PARD3: variants seen among roughly 807,000 people sequenced by gnomAD.
The protein encoded by PARD3 is partitioning defective 3 homolog.
Under a neutral mutation model 155.4 loss-of-function variants are expected in PARD3, and 75 were observed. The observed-to-expected ratio is 0.48, with a 90% CI of 0.40 to 0.58. The LOEUF (loss-of-function observed/expected upper bound fraction) is 0.58. Among genes scored for constraint, PARD3 ranks in the 20% least tolerant of loss-of-function variants. PARD3 has a pLI of 0.00. For missense variants in PARD3, 1,642 were observed against 1,721.7 expected, an observed-to-expected ratio of 0.95 and a Z score of 0.82; for synonymous variants, 576 against 610.5, an observed-to-expected ratio of 0.94 and a Z score of 0.83.
At chr10:34,291,642 TA>T (rs1428087017) in intron 20 of PARD3, among the ~76,000 whole-genome samples, 1 of 152,210 alleles carries the variant, frequency 6.6e-6, no homozygotes, top group Non-Finnish European at 1.5e-5. Flanking sequence ...CTAGAATTCA[TA>T]CCCAAGACAC....
At chr10:34,619,346 G>A (rs540086665) in intron 2 of PARD3, among the ~76,000 whole-genome samples, 35 of 151,998 alleles carry the variant, frequency 2.3e-4, no homozygotes, top group Non-Finnish European at 4.4e-4. Context: ...CATCATGCCC[G>A]GCCCACAGTC....
At chr10:34,126,818 G>GAAAAAAA (rs550942430) in intron 23 of PARD3, among the ~76,000 whole-genome samples, 2 of 73,380 alleles carry the variant, frequency 2.7e-5, no homozygotes. Flanking sequence ...TCTTGAAAAT[G>GAAAAAAA]AAAAAAAAAA....
intron 10 of PARD3, 123 bp downstream of exon 10, chr10:34,377,844 G>T (rs964494012): frequency 5.1e-6 from 3 of 583,782 alleles, no homozygotes; most frequent in African/African-American, 1.9e-5. Context: ...ATTTTGTGAC[G>T]CATACTTCCG....
At chr10:34,371,756 A>G (rs1457356285) in intron 12 of PARD3, among the ~76,000 whole-genome samples, 1 of 151,942 alleles carries the variant, frequency 6.6e-6, no homozygotes, top group Non-Finnish European at 1.5e-5. Flanking sequence ...TTTTTGTGCT[A>G]TGTTGTTTGA....
intron 22 of PARD3, among the ~76,000 whole-genome samples, chr10:34,187,993 A>G (rs1032240269): frequency 2.0e-5 from 3 of 152,236 alleles, no homozygotes; most frequent in African/African-American, 4.8e-5. Context: ...GCAGATAATT[A>G]AAGTGCTTTA....
At chr10:34,457,267 G>A (rs2077387369) in intron 4 of PARD3, among the ~76,000 whole-genome samples, 1 of 152,198 alleles carries the variant, frequency 6.6e-6, no homozygotes, top group Non-Finnish European at 1.5e-5. Context: ...GGATTTCTCT[G>A]AAGCCACTGG....
chr10:34,280,358 G>A (rs932623143), intron 21 of PARD3, among the ~76,000 whole-genome samples: 3 of 152,194 alleles, frequency 2.0e-5, no homozygotes, highest in Non-Finnish European at 4.4e-5. Context: ...GATTAGCACA[G>A]ACCAGTATGT....
Position 34,335,669 on chromosome 10 carries a change from C to T in PARD3, c.2605+530G>A, listed in dbSNP as rs935947553. The stretch of plus-strand genomic sequence containing the variant: ...ATATGCATTATATAGTCTAATCCAA[C>T]GTCAGGTTAATTATAAGCTAATTCC... On this transcript the variant is annotated intron_variant, in intron 18 of 24. Coordinates refer to ENST00000374788, the MANE Select transcript of PARD3 (RefSeq NM_001184785.2). Among the ~76,000 whole-genome samples, 14 of 151,980 alleles carry T rather than the reference C, an allele frequency of 9.2e-5. No homozygotes were observed. The South Asian group carries it at 1.7e-3, about 18-fold the overall frequency.
chr10:34,332,053 A>C (rs1835675031), intron 18 of PARD3, among the ~76,000 whole-genome samples: 1 of 152,204 alleles, frequency 6.6e-6, no homozygotes, highest in Non-Finnish European at 1.5e-5. Context: ...GAGTACTTCT[A>C]TCTCTAGGCC....
intron 2 of PARD3, among the ~76,000 whole-genome samples, chr10:34,689,735 G>A (rs904410692): frequency 8.6e-5 from 13 of 152,000 alleles, no homozygotes; most frequent in East Asian, 1.9e-4. Context: ...CTAAAACGTC[G>A]TTTACTAAGA....
chr10:34,630,036 C>T (rs1300724296), intron 2 of PARD3, among the ~76,000 whole-genome samples: 1 of 152,102 alleles, frequency 6.6e-6, no homozygotes, highest in Non-Finnish European at 1.5e-5. Context: ...AAACGTGTAG[C>T]CCCTACACAG....
chr10:34,605,913 C>A (rs1302900677), intron 2 of PARD3, among the ~76,000 whole-genome samples: 5 of 98,918 alleles, frequency 5.1e-5, no homozygotes, highest in African/African-American at 1.6e-4. Context: ...ATATATATAT[C>A]TCCTATATAT....
intron 23 of PARD3, among the ~76,000 whole-genome samples, chr10:34,122,374 T>C (rs1947052437): frequency 6.6e-6 from 1 of 152,228 alleles, no homozygotes. Context: ...TTTTCTCTGC[T>C]GTGTGTTTTC....
intron 2 of PARD3, among the ~76,000 whole-genome samples, chr10:34,597,764 G>T (rs1234325954): frequency 6.6e-6 from 1 of 152,096 alleles, no homozygotes; most frequent in Non-Finnish European, 1.5e-5. Context: ...TCTGGGTATG[G>T]GGACCACACC....
chr10:34,757,944 G>T (rs1052240271), intron 1 of PARD3, among the ~76,000 whole-genome samples: 1 of 152,130 alleles, frequency 6.6e-6, no homozygotes, highest in Non-Finnish European at 1.5e-5. Flanking sequence ...AGATAAACCT[G>T]CATCTGTAGA....
At chr10:34,384,394 A>C (rs972827920) in intron 7 of PARD3, 140 bp from the exon 8 acceptor site, 3 of 805,186 alleles carry the variant, frequency 3.7e-6, no homozygotes, top group Non-Finnish European at 5.8e-6. Context: ...TACATTTTTA[A>C]ATGACAGACA....
rs566696802 is a variant in PARD3 at position 34,228,618 on chromosome 10, C to T, written c.3419+41039G>A. 6.6e-5 allele frequency among the ~76,000 whole-genome samples: 10 copies of T among 152,108 alleles called. No homozygotes were observed. In the South Asian group the frequency reaches 2.1e-3, roughly 32 times the overall value. On this transcript the variant is annotated intron_variant, in intron 22 of 24. Transcript: ENST00000374788. The stretch of plus-strand genomic sequence containing the variant: ...ATTTACTAAAAATTATAGACTTGTA[C>T]ACTTTAAACGGGTGAATTATATGAT...
intron 4 of PARD3, among the ~76,000 whole-genome samples, chr10:34,453,118 G>A (rs1313193074): frequency 6.6e-6 from 1 of 152,186 alleles, no homozygotes; most frequent in Non-Finnish European, 1.5e-5. Context: ...ACTATAGGTA[G>A]ACCAGAGGGA....
At chr10:34,480,493 C>A (rs1241497207) in intron 3 of PARD3, among the ~76,000 whole-genome samples, 1 of 152,168 alleles carries the variant, frequency 6.6e-6, no homozygotes, top group East Asian at 1.9e-4. Context: ...CCCATCTCAG[C>A]CTCCTAAAGC....
Sources: allele counts gnomAD v4.1 joint callset (sites outside exome capture counted in the v4.1 genomes callset), GRCh38; gene constraint gnomAD v4.1.1; transcripts MANE v1.5; gene names NCBI Gene and HGNC (gene_info 2026-07-23, HGNC 2026-07-21).